ANLN: variants seen among roughly 807,000 people sequenced by gnomAD.
ANLN encodes the protein anillin, actin binding protein.
A neutral mutation model predicts 135.1 loss-of-function variants in ANLN; 59 were observed. The observed-to-expected ratio is 0.44, with a 90% CI of 0.35 to 0.54. The LOEUF (loss-of-function observed/expected upper bound fraction) is 0.54, where lower values mean the gene tolerates loss of function less well. ANLN is among the 20% of genes least tolerant of loss of function. ANLN has a pLI of 0.00. For missense variants in ANLN, 1,182 were observed against 1,340.0 expected, an observed-to-expected ratio of 0.88 and a Z score of 1.84; for synonymous variants, 406 against 456.4, an observed-to-expected ratio of 0.89 and a Z score of 1.41.
intron 22 of ANLN, among the ~76,000 whole-genome samples, chr7:36,447,510 C>T (rs182480265): frequency 1.0e-3 from 155 of 150,964 alleles, no homozygotes; most frequent in South Asian, 7.4e-3. Flanking sequence ...CTGCAAGCAC[C>T]GCCTCCCGGG....
chr7:36,390,348 C>A, intron 1 of ANLN: 1 of 438,982 alleles, frequency 2.3e-6, no homozygotes. Context: ...AGTCCTGGCG[C>A]AGCAAGAGTG....
chr7:36,421,711 G>A (rs992671568), intron 12 of ANLN, 146 bp from the exon 13 acceptor site: 3 of 642,530 alleles, frequency 4.7e-6, no homozygotes, highest in Non-Finnish European at 7.5e-6. Context: ...GTGCATAGTC[G>A]AGAAACTTGA....
At chr7:36,411,196 C>T (rs1364033991) in intron 7 of ANLN, 30 bp downstream of exon 7, 1 of 1,547,946 alleles carries the variant, frequency 6.5e-7, no homozygotes, top group South Asian at 1.2e-5. Flanking sequence ...TAAAAACGAA[C>T]TTGGTCCCCA....
chr7:36,396,292 G>C lies in ANLN; in HGVS notation c.45G>C (p.Arg15Ser). 1 of 1,606,586 alleles carries C rather than the reference G, an allele frequency of 6.2e-7. No individual in the cohort carries two copies. The highest frequency in any genetic ancestry group is 1.1e-5 in the South Asian group (1 of 90,428). The change falls in exon 2 of 24, where the codon AGG becomes AGC. Residue 15 changes from arginine to serine, a missense_variant. This residue lies in a region of ANLN where 1,022 missense variants were observed against 1,134.0 expected (regional missense o/e 0.90). Coordinates refer to ENST00000265748, the MANE Select transcript of ANLN (RefSeq NM_018685.5). ...AACTGCTGGAGCGAACCCGTGCCAG[G>C]CGAGAGAATCTTCAGAGAAAAATGG... ...TEKLLERTRA[R>S]RENLQRKMAE... is the part of the protein sequence containing the mutation.
At chr7:36,414,824 G>A (rs1019723320) in intron 7 of ANLN, among the ~76,000 whole-genome samples, 1 of 152,196 alleles carries the variant, frequency 6.6e-6, no homozygotes, top group Non-Finnish European at 1.5e-5. Flanking sequence ...TGGAACAAGA[G>A]TACCTGGGTT....
chr7:36,401,395 G>A (rs1376829684), intron 3 of ANLN, among the ~76,000 whole-genome samples: 1 of 152,130 alleles, frequency 6.6e-6, no homozygotes, highest in Non-Finnish European at 1.5e-5. Flanking sequence ...CTGGAGTGCA[G>A]TGGCGCAATC....
At position 36,453,668 on chromosome 7, in the gene ANLN, T is replaced by G. The variant is rs192941144; in HGVS notation, c.*1068T>G. On this transcript the variant is annotated 3_prime_UTR_variant, in exon 24 of 24. Coordinates refer to ENST00000265748, the MANE Select transcript of ANLN (RefSeq NM_018685.5). ...TCTTTATGACCTCATTTATAAACAC[T>G]AAATTCTGTCACCTCCTGTCATTTT... is the stretch of plus-strand genomic sequence containing the variant. 2.6e-5 allele frequency: 4 copies of G among 152,768 alleles called. No homozygotes were observed. Among genetic ancestry groups the G allele is most frequent in the Non-Finnish European group, 5.9e-5 (4 of 68,030 alleles). 9.5% of individuals were successfully genotyped at this position (152,768 alleles called of 1,614,324 possible). A position where few individuals can be genotyped will look rare whatever the true frequency, so the allele number is the denominator to read the frequency against.
chr7:36,407,282 G>C lies in ANLN; in HGVS notation c.874-452G>C, dbSNP rs142280992. On this transcript the variant is annotated intron_variant, in intron 4 of 23. Coordinates refer to ENST00000265748, the MANE Select transcript of ANLN (RefSeq NM_018685.5). The stretch of plus-strand genomic sequence containing the variant: ...AAAGGTTATTTGGAGGGCTAAATAA[G>C]AGTCATAAAGCACTTAGCATAGTAC... Among the ~76,000 whole-genome samples, 364 of 152,222 alleles carry C rather than the reference G, an allele frequency of 2.4e-3. 2 individuals are homozygous for C. The highest frequency in any genetic ancestry group is 8.5e-3 in the African/African-American group (355 of 41,564).
chr7:36,420,368 C>T (rs868819662), intron 11 of ANLN, 54 bp downstream of exon 11: 1 of 1,569,852 alleles, frequency 6.4e-7, no homozygotes, highest in Middle Eastern at 1.7e-4. Context: ...TTTAGATTGA[C>T]ATAAGTCGTG....
intron 12 of ANLN, among the ~76,000 whole-genome samples, chr7:36,421,541 A>G (rs745688244): frequency 6.6e-6 from 1 of 152,144 alleles, no homozygotes; most frequent in Non-Finnish European, 1.5e-5. Flanking sequence ...TTAAAAAAAA[A>G]CAGTGTAATT....
chr7:36,440,720 A>G (rs547928373), intron 21 of ANLN, among the ~76,000 whole-genome samples: 2 of 152,318 alleles, frequency 1.3e-5, no homozygotes, highest in African/African-American at 4.8e-5. Context: ...GAATGGGAAG[A>G]ATTAAGCCCA....
At chr7:36,429,401 A>G (rs202153291) in intron 20 of ANLN, among the ~76,000 whole-genome samples, 1 of 151,926 alleles carries the variant, frequency 6.6e-6, no homozygotes, top group Admixed American at 6.6e-5. Flanking sequence ...TTGTATTTTT[A>G]GTAGAGACAG....
chr7:36,409,926 C>G (rs903968430), intron 5 of ANLN, among the ~76,000 whole-genome samples: 25 of 152,250 alleles, frequency 1.6e-4, no homozygotes, highest in African/African-American at 6.0e-4. Context: ...CCCGCCTCGG[C>G]CACCCAGAGT....
At chr7:36,390,913 T>C (rs1786423837) in intron 1 of ANLN, among the ~76,000 whole-genome samples, 1 of 152,238 alleles carries the variant, frequency 6.6e-6, no homozygotes, top group Non-Finnish European at 1.5e-5. Context: ...CTTTAGGCTG[T>C]TGTGCAAATT....
intron 1 of ANLN, among the ~76,000 whole-genome samples, chr7:36,391,945 C>CTT (rs35991362): frequency 1.7e-4 from 25 of 148,042 alleles, no homozygotes; most frequent in Non-Finnish European, 2.5e-4. Context: ...TTCTGGCACT[C>CTT]TTTTTTTTTT....
At position 36,396,338 on chromosome 7, in the gene ANLN, C is replaced by T; in HGVS notation, c.91C>T (p.Pro31Ser). 6.2e-7 allele frequency: 1 copy of T among 1,610,122 alleles called. No homozygotes were observed. The highest frequency in any genetic ancestry group is 8.5e-7 in the Non-Finnish European group (1 of 1,177,044). The change falls in exon 2 of 24, where the codon CCA becomes TCA. Residue 31 changes from proline (P) to serine (S), a missense_variant. Transcript: ENST00000265748. ...RKMAERPTAAPRSMTHAKRAR... is the reference protein window; with the variant it reads ...RKMAERPTAASRSMTHAKRAR... The stretch of plus-strand genomic sequence containing the variant: ...AATGGCTGAGAGGCCCACAGCAGCT[C>T]CAAGGTCTATGACTCATGCTAAGCG...
intron 17 of ANLN, 35 bp downstream of exon 17, chr7:36,424,777 A>G: frequency 6.3e-7 from 1 of 1,577,494 alleles, no homozygotes; most frequent in Non-Finnish European, 8.6e-7. Flanking sequence ...AAATATTTTC[A>G]TCAGAAGTAA....
chr7:36,396,451 A>C (rs200140060), intron 2 of ANLN, 32 bp downstream of exon 2: 9 of 1,531,152 alleles, frequency 5.9e-6, no homozygotes, highest in Non-Finnish European at 7.9e-6. Flanking sequence ...AATAACATTT[A>C]CTTTTTTTTT....
intron 22 of ANLN, chr7:36,448,846 A>G (rs917640460): frequency 6.6e-6 from 1 of 152,174 alleles, no homozygotes; most frequent in Non-Finnish European, 1.5e-5. Flanking sequence ...CTTCGGATAA[A>G]TTTAGGTGAA....
Sources: gnomAD v4.1 joint callset for allele counts (sites outside exome capture counted in the v4.1 genomes callset) on GRCh38, gnomAD v4.1.1 for gene constraint, gnomAD v4.1.1 regional missense constraint, MANE v1.5 for transcripts, NCBI Gene and HGNC (gene_info 2026-07-23, HGNC 2026-07-21) for gene names.